The following SMYD4 variants were observed in gnomAD, a reference collection of about 807,000 sequenced individuals.
The protein encoded by SMYD4 is SET and MYND domain containing 4.
A neutral mutation model predicts 72.8 loss-of-function variants in SMYD4; 68 were observed. That is an observed-to-expected ratio of 0.93 (90% CI 0.77 to 1.14). SMYD4 has a LOEUF of 1.14. Among genes scored for constraint, SMYD4 ranks in the 50% most tolerant of loss-of-function variants. The pLI is 0.00. For synonymous variants in SMYD4, 407 were observed against 388.6 expected (o/e 1.05, Z -0.56); for missense variants, 984 against 1,003.7 (o/e 0.98, Z 0.27).
chr17:1,822,266 A>C (rs1910932515), intron 2 of SMYD4, among the ~76,000 whole-genome samples: 1 of 152,100 alleles, frequency 6.6e-6, no homozygotes, highest in Non-Finnish European at 1.5e-5. Flanking sequence ...ATGCCAGAAG[A>C]AACAGTTAAT....
In SMYD4 at chr17:1,784,674, TGAG is replaced by T. The variant is rs1309389371; in HGVS notation, c.1885-216_1885-214del. The T allele has an allele frequency of 2.1e-5, 13 of 611,858 alleles. No homozygotes were observed. In the East Asian group the frequency reaches 1.7e-3, roughly 79 times the overall value. 37.9% of individuals were successfully genotyped at this position (611,858 alleles called of 1,614,324 possible). ...TGTATCAGCAGTAGCTGATCCCACCTGAGATTTCATTTTTGGAACAGAACTGGT... is the reference window on the plus strand; with the variant it reads ...TGTATCAGCAGTAGCTGATCCCACCTATTTCATTTTTGGAACAGAACTGGT... On this transcript the variant is annotated intron_variant, in intron 7 of 10. Transcript: ENST00000305513.
intron 3 of SMYD4, among the ~76,000 whole-genome samples, chr17:1,805,802 ACT>A (rs911702402): frequency 6.6e-6 from 1 of 150,768 alleles, no homozygotes; most frequent in African/African-American, 2.5e-5. Flanking sequence ...GCAGAGTGAG[ACT>A]CTGTCTCAAA....
chr17:1,803,294 C>T (rs1251938669), intron 4 of SMYD4, among the ~76,000 whole-genome samples: 2 of 152,232 alleles, frequency 1.3e-5, no homozygotes, highest in Non-Finnish European at 2.9e-5. Context: ...TCCTTTTGCA[C>T]TCACGACACT....
At chr17:1,786,622 T>G (rs1166746098) in intron 7 of SMYD4, among the ~76,000 whole-genome samples, 188 bp downstream of exon 7, 2 of 152,216 alleles carry the variant, frequency 1.3e-5, no homozygotes, top group Non-Finnish European at 2.9e-5. Flanking sequence ...GAAACATTAC[T>G]AAATTGAACC....
At chr17:1,827,145 C>T (rs1450420124) in intron 2 of SMYD4, among the ~76,000 whole-genome samples, 2 of 147,820 alleles carry the variant, frequency 1.4e-5, no homozygotes, top group African/African-American at 2.5e-5. Context: ...AGAGTGAGAC[C>T]CTGTGTCAAA....
chr17:1,781,311 G>T lies in SMYD4; in HGVS notation c.2390C>A (p.Pro797His), dbSNP rs58337165. The T allele has an allele frequency of 0.054, 86,940 of 1,613,358 alleles. 4,741 individuals carry two copies. Among genetic ancestry groups the T allele is most frequent in the African/African-American group, 0.23 (17,257 of 74,924 alleles). Residue 797 changes from proline (P) to histidine (H), a missense_variant, in exon 11 of 11, where the codon CCC becomes CAC. Pro to His is a moderately conservative substitution (Grantham distance 77). Coordinates refer to ENST00000305513, the MANE Select transcript of SMYD4 (RefSeq NM_052928.3). ...KMKSCLLDLP[P>H]TPVGPAL ...CTACAATGCAGGCCCTACAGGGGTG[G>T]GTGGTAAGTCCAACAAACAGGATTT...
At chr17:1,808,200 G>A (rs147109080) in intron 3 of SMYD4, among the ~76,000 whole-genome samples, 1 of 152,326 alleles carries the variant, frequency 6.6e-6, no homozygotes, top group African/African-American at 2.4e-5. Context: ...GCTCATTGCA[G>A]TATTATGATC....
chr17:1,828,735 T>C (rs1277924722), intron 1 of SMYD4, among the ~76,000 whole-genome samples: 3 of 151,928 alleles, frequency 2.0e-5, no homozygotes, highest in Non-Finnish European at 2.9e-5. Flanking sequence ...TAGCTGGGAT[T>C]ACAGATGCGC....
At chr17:1,809,378 ATTAT>A (rs1382664302) in intron 3 of SMYD4, among the ~76,000 whole-genome samples, 1 of 125,430 alleles carries the variant, frequency 8.0e-6, no homozygotes, top group African/African-American at 2.5e-5. Flanking sequence ...TATTATTATT[ATTAT>A]TTTTTTTTTT....
At chr17:1,801,339 C>T (rs370829186) in intron 4 of SMYD4, among the ~76,000 whole-genome samples, 14 of 151,826 alleles carry the variant, frequency 9.2e-5, no homozygotes, top group African/African-American at 3.1e-4. Flanking sequence ...CCTGGGTTCA[C>T]GCCATTCTCC....
chr17:1,805,869 C>T (rs1308225141), intron 3 of SMYD4, among the ~76,000 whole-genome samples: 1 of 149,554 alleles, frequency 6.7e-6, no homozygotes, highest in African/African-American at 2.4e-5. Flanking sequence ...AGTAGGTAGA[C>T]AATGAGCAAA....
chr17:1,804,915 T>G (rs1284157506), intron 3 of SMYD4, among the ~76,000 whole-genome samples, 200 bp from the exon 4 acceptor site: 1 of 152,144 alleles, frequency 6.6e-6, no homozygotes, highest in Non-Finnish European at 1.5e-5. Flanking sequence ...TTAAAAGCAC[T>G]TTGTCAGATA....
intron 7 of SMYD4, among the ~76,000 whole-genome samples, chr17:1,785,551 G>A (rs189583949): frequency 1.5e-3 from 232 of 152,008 alleles, no homozygotes; most frequent in Non-Finnish European, 2.6e-3. Context: ...CCAGGAGATC[G>A]AGACCAGCCT....
rs1454228796 is a variant in SMYD4 at position 1,794,081 on chromosome 17, G to GTGTATATATA, written c.1537+5775_1537+5776insTATATATACA. ...TGTATATATATGTGTATATATATGT[G>GTGTATATATA]TATATATATATATATATATATATAT... On this transcript the variant is annotated intron_variant, in intron 5 of 10. Transcript: ENST00000305513. Among the ~76,000 whole-genome samples, 52 of 17,110 alleles carry GTGTATATATA rather than the reference G, an allele frequency of 3.0e-3. 1 individual carries two copies. The highest frequency in any genetic ancestry group is 3.4e-3 in the South Asian group (2 of 586). The allele number at this position is 17,110 out of a possible 152,430, so 11.2% of individuals were successfully genotyped here.
intron 4 of SMYD4, among the ~76,000 whole-genome samples, chr17:1,803,688 G>A (rs568468643): frequency 7.4e-4 from 113 of 151,930 alleles, no homozygotes; most frequent in African/African-American, 2.2e-3. Context: ...TAGTAGAGAC[G>A]GGGTTTCACC....
chr17:1,794,417 C>T (rs1909285959), intron 5 of SMYD4, among the ~76,000 whole-genome samples: 1 of 151,578 alleles, frequency 6.6e-6, no homozygotes. Flanking sequence ...ACACGCCCGG[C>T]CATCCTTTAT....
At chr17:1,795,201 C>G (rs1231749371) in intron 5 of SMYD4, among the ~76,000 whole-genome samples, 1 of 151,976 alleles carries the variant, frequency 6.6e-6, no homozygotes, top group African/African-American at 2.4e-5. Flanking sequence ...TGGGTGGGGT[C>G]TTGCTATGTT....
At position 1,800,290 on chromosome 17, in the gene SMYD4, C is replaced by T. The variant is rs369346790; in HGVS notation, c.1104G>A (p.Thr368=). The T allele has an allele frequency of 2.8e-5, 45 of 1,614,002 alleles. No homozygotes were observed. Among genetic ancestry groups the T allele is most frequent in the African/African-American group, 4.0e-5 (3 of 74,904 alleles). Residue 368 remains threonine, a synonymous_variant, in exon 5 of 11, where the codon ACG becomes ACA. Transcript: ENST00000305513. ...TGTTACTAATCTTATCACAAAGCTT[C>T]GTTATGATTTTGCGAACATCCTCAA... is the stretch of plus-strand genomic sequence containing the variant. The part of the protein sequence containing the change: ...VGFEDVRKII[T]KLCDKISNKD...
chr17:1,820,814 C>T (rs1236035767), intron 2 of SMYD4, among the ~76,000 whole-genome samples: 2 of 152,084 alleles, frequency 1.3e-5, no homozygotes, highest in Non-Finnish European at 2.9e-5. Context: ...CAAAGAATGT[C>T]TATTGGCAAG....
Sources: gnomAD v4.1 joint callset for allele counts (sites outside exome capture counted in the v4.1 genomes callset) on GRCh38, gnomAD v4.1.1 for gene constraint, MANE v1.5 for transcripts, NCBI Gene and HGNC (gene_info 2026-07-23, HGNC 2026-07-21) for gene names.